Variants in CENPF observed in about 807,000 individuals in gnomAD.
CENPF encodes AH antigen.
Under a neutral mutation model 307.3 loss-of-function variants are expected in CENPF, and 214 were observed. The observed-to-expected ratio is 0.70, with a 90% confidence interval of 0.62 to 0.78. The LOEUF is 0.78. Ranked by LOEUF, CENPF falls within the 30% of genes least tolerant of loss-of-function variation. The pLI is 0.00. For missense variants in CENPF, 3,401 were observed against 3,483.9 expected, an observed-to-expected ratio of 0.98 and a Z score of 0.60; for synonymous variants, 1,259 against 1,270.6, an observed-to-expected ratio of 0.99 and a Z score of 0.19.
rs143914629 is a variant in CENPF at position 214,662,878 on chromosome 1, C to T, written c.9142-713C>T. On this transcript the variant is annotated intron_variant, in intron 19 of 19. Transcript: ENST00000366955. ...CACTGCAGCTTCAAACTCCTGGGCT[C>T]AAGCGATCCTCTTGCCTCAGCCTCC... Among the ~76,000 whole-genome samples, 341 of 152,110 alleles carry T rather than the reference C, an allele frequency of 2.2e-3. 1 individual carries two copies. The highest frequency in any genetic ancestry group is 8.0e-3 in the African/African-American group (333 of 41,482).
At chr1:214,608,357 G>A (rs1657097045) in intron 1 of CENPF, 2 of 1,611,850 alleles carry the variant, frequency 1.2e-6, no homozygotes, top group Non-Finnish European at 1.7e-6. Flanking sequence ...TCGGCATAGA[G>A]GTTCCTCTCG....
chr1:214,638,687 G>T (rs1441348779), intron 11 of CENPF, among the ~76,000 whole-genome samples: 1 of 152,094 alleles, frequency 6.6e-6, no homozygotes, highest in Non-Finnish European at 1.5e-5. Context: ...TGGTGTGGTG[G>T]CGGGTGCCTG....
intron 7 of CENPF, among the ~76,000 whole-genome samples, chr1:214,622,984 CGCGGATCACTTGAG>C (rs1657558764): frequency 6.6e-6 from 1 of 152,150 alleles, no homozygotes; most frequent in African/African-American, 2.4e-5. Context: ...GGTTGAGACA[CGCGGATCACTTGAG>C]GCTAGGAGAT....
At chr1:214,651,125 A>G (rs933533734) in intron 14 of CENPF, among the ~76,000 whole-genome samples, 2 of 152,156 alleles carry the variant, frequency 1.3e-5, no homozygotes, top group Non-Finnish European at 2.9e-5. Context: ...GGAGATGAGG[A>G]AGTAGACACC....
chr1:214,605,817 G>T, intron 1 of CENPF: 1 of 1,592,706 alleles, frequency 6.3e-7, no homozygotes. Flanking sequence ...TAGAGCGCCA[G>T]CCCGTGCGAG....
At chr1:214,626,166 A>G (rs1374077310) in intron 7 of CENPF, among the ~76,000 whole-genome samples, 1 of 151,516 alleles carries the variant, frequency 6.6e-6, no homozygotes, top group African/African-American at 2.4e-5. Flanking sequence ...GTTTTCCTTT[A>G]TTTGAGAATG....
Position 214,640,219 on chromosome 1 carries a change from A to C in CENPF, c.1881A>C (p.Glu627Asp). ...TLFSCWKSEN[E>D]KLLTQMESEK... ...TTTCTTGTTGGAAAAGTGAAAACGA[A>C]AAACTTTTAACTCAGATGGAATCAG... Residue 627 changes from glutamate to aspartate, a missense_variant, in exon 12 of 20, where the codon GAA becomes GAC. Transcript: ENST00000366955. 1 of 1,601,912 alleles carries C rather than the reference A, an allele frequency of 6.2e-7. No individual in the cohort carries two copies. The highest frequency in any genetic ancestry group is 8.5e-7 in the Non-Finnish European group (1 of 1,177,218).
At position 214,641,913 on chromosome 1, in the gene CENPF, C is replaced by G. The variant is rs1658128406; in HGVS notation, c.3575C>G (p.Pro1192Arg). ...GAGAGAAATCAATGTAATTTTAAAC[C>G]TCAGATGGATCTTGAAGTTAAAGAA... ...ESERNQCNFKPQMDLEVKEIS... is the reference protein window; with the variant it reads ...ESERNQCNFKRQMDLEVKEIS... The change falls in exon 12 of 20, where the codon CCT becomes CGT. Residue 1192 changes from proline to arginine, a missense_variant. By Grantham distance (103) the Pro-to-Arg change is moderately radical. Transcript: ENST00000366955. 6.3e-7 allele frequency: 1 copy of G among 1,591,224 alleles called. No individual in the cohort carries two copies. The highest frequency in any genetic ancestry group is 1.8e-5 in the Admixed American group (1 of 54,298).
chr1:214,611,888 T>C (rs1186718579), intron 1 of CENPF, among the ~76,000 whole-genome samples: 1 of 152,186 alleles, frequency 6.6e-6, no homozygotes, highest in South Asian at 2.1e-4. Flanking sequence ...GGGCCAAGAC[T>C]ATGGGGTTTT....
At position 214,610,056 on chromosome 1, in the gene CENPF, C is replaced by T. The variant is rs554030709; in HGVS notation, c.-41-3658C>T. ...TTTTTTTGGTAGATAAGGGATTTTGCCATGTTGCCCAGGCTGGTCTCGAAC... is the reference window on the plus strand; with the variant it reads ...TTTTTTTGGTAGATAAGGGATTTTGTCATGTTGCCCAGGCTGGTCTCGAAC... On this transcript the variant is annotated intron_variant, in intron 1 of 19. Transcript: ENST00000366955. 4.8e-5 allele frequency among the ~76,000 whole-genome samples: 7 copies of T among 145,350 alleles called. No homozygotes were observed. In the South Asian group the frequency reaches 1.3e-3, roughly 27 times the overall value.
chr1:214,608,245 C>A lies in CENPF; in HGVS notation c.-42+4924C>A, dbSNP rs377186475. 3.5e-4 allele frequency: 518 copies of A among 1,462,144 alleles called. 3 individuals are homozygous for A. In the African/African-American group the frequency reaches 6.1e-3, roughly 17 times the overall value. 90.6% of individuals were successfully genotyped at this position (1,462,144 alleles called of 1,614,324 possible). ...CCCACCTTCCTCCCAGGGAAGCCCG[C>A]CCCCCGGCCCCCGGCCTGGTCCCCT... On this transcript the variant is annotated intron_variant, in intron 1 of 19. Coordinates refer to ENST00000366955, the MANE Select transcript of CENPF (RefSeq NM_016343.4).
Position 214,647,062 on chromosome 1 carries a change from G to A in CENPF, c.7492G>A (p.Val2498Ile). Residue 2498 changes from valine to isoleucine, a missense_variant, in exon 13 of 20, where the codon GTT (valine) becomes ATT (isoleucine). Coordinates refer to ENST00000366955, the MANE Select transcript of CENPF (RefSeq NM_016343.4). Reference protein sequence around the residue: ...GLDEAKNNYIVLQSSVNGLIQ... With the variant: ...GLDEAKNNYIILQSSVNGLIQ... ...TGATGAGGCCAAAAATAATTATATT[G>A]TTTTGCAATCTTCAGTGAATGGCCT... 6.2e-7 allele frequency: 1 copy of A among 1,614,054 alleles called. No individual in the cohort carries two copies. Among genetic ancestry groups the A allele is most frequent in the South Asian group, 1.1e-5 (1 of 91,064 alleles).
At chr1:214,650,932 C>G in intron 14 of CENPF, among the ~76,000 whole-genome samples, 1 of 152,058 alleles carries the variant, frequency 6.6e-6, no homozygotes, top group East Asian at 1.9e-4. Context: ...ACAACAGCAA[C>G]AACAATAATA....
chr1:214,660,617 C>T (rs1170991405), intron 19 of CENPF, among the ~76,000 whole-genome samples: 1 of 152,162 alleles, frequency 6.6e-6, no homozygotes, highest in Non-Finnish European at 1.5e-5. Flanking sequence ...TGGGCCATAC[C>T]ATTTTCTCAG....
intron 1 of CENPF, chr1:214,608,395 C>A: frequency 6.2e-7 from 1 of 1,613,496 alleles, no homozygotes; most frequent in Non-Finnish European, 8.5e-7. Flanking sequence ...GGCACCGTAG[C>A]CGGAGTAGTC....
intron 1 of CENPF, chr1:214,606,201 T>G: frequency 2.1e-6 from 2 of 971,186 alleles, no homozygotes; most frequent in South Asian, 3.3e-5. Context: ...GCCAAGTCAG[T>G]GGGTCAGGCC....
At position 214,643,315 on chromosome 1, in the gene CENPF, C is replaced by T. The variant is rs1658189016; in HGVS notation, c.4977C>T (p.Asp1659=). Residue 1659 remains aspartate, a synonymous_variant, in exon 12 of 20, where the codon GAC becomes GAT. Transcript: ENST00000366955. ...DLSSRSLLGI[D]TEDAIQGRNE... is the part of the protein sequence containing the mutation. ...GTTCTCGGTCTTTGCTTGGCATCGACACAGAAGATGTAAGTACCTGGGATT... is the reference window on the plus strand; with the variant it reads ...GTTCTCGGTCTTTGCTTGGCATCGATACAGAAGATGTAAGTACCTGGGATT... 6.7e-7 allele frequency: 1 copy of T among 1,496,014 alleles called. No homozygotes were observed. The highest frequency in any genetic ancestry group is 8.9e-7 in the Non-Finnish European group (1 of 1,125,720). The allele number at this position is 1,496,014 out of a possible 1,614,324, so 92.7% of individuals were successfully genotyped here. A position where few individuals can be genotyped will look rare whatever the true frequency, so the allele number is the denominator to read the frequency against.
chr1:214,620,790 A>G lies in CENPF; in HGVS notation c.709A>G (p.Ile237Val). Residue 237 changes from isoleucine (I) to valine (V), a missense_variant, in exon 6 of 20, where the codon ATT becomes GTT. Physicochemically the swap from Ile to Val is conservative, Grantham distance 29. Coordinates refer to ENST00000366955, the MANE Select transcript of CENPF (RefSeq NM_016343.4). ...TTCATCTAATTCTCAAAGAACTCCAATTAGGAGAGATTTCTCTGCATCTTA... is the reference window on the plus strand; with the variant it reads ...TTCATCTAATTCTCAAAGAACTCCAGTTAGGAGAGATTTCTCTGCATCTTA... ...HLSSNSQRTPIRRDFSASYFS... is the reference protein window; with the variant it reads ...HLSSNSQRTPVRRDFSASYFS... The G allele has an allele frequency of 6.2e-7, 1 of 1,614,184 alleles. No homozygotes were observed. Among genetic ancestry groups the G allele is most frequent in the Non-Finnish European group, 8.5e-7 (1 of 1,180,028 alleles).
chr1:214,618,682 C>A lies in CENPF; in HGVS notation c.469C>A (p.Gln157Lys). The A allele has an allele frequency of 6.2e-7, 1 of 1,613,666 alleles. No individual in the cohort carries two copies. Among genetic ancestry groups the A allele is most frequent in the South Asian group, 1.1e-5 (1 of 91,002 alleles). ...KIFTTPLTPS[Q>K]YYSGSKYEDL... ...TTTTACAACTCCACTAACACCAAGT[C>A]AATATTATAGTGGTAATGCATTTTC... The change falls in exon 4 of 20, where the codon CAA becomes AAA. Residue 157 changes from glutamine to lysine, a missense_variant. Physicochemically the swap from Gln to Lys is moderately conservative, Grantham distance 53. Coordinates refer to ENST00000366955, the MANE Select transcript of CENPF (RefSeq NM_016343.4).
Sources: gnomAD v4.1 joint callset for allele counts (sites outside exome capture counted in the v4.1 genomes callset) on GRCh38, gnomAD v4.1.1 for gene constraint, MANE v1.5 for transcripts, NCBI Gene and HGNC (gene_info 2026-07-23, HGNC 2026-07-21) for gene names.